Variants in TMEM164 observed in about 807,000 individuals in gnomAD.
TMEM164 encodes transmembrane protein 164, also known as RP13-360B22.2.
In TMEM164, 4 loss-of-function variants were observed where a neutral mutation model predicts 18.8. That is an observed-to-expected ratio of 0.21 (90% CI 0.10 to 0.49). The LOEUF (loss-of-function observed/expected upper bound fraction) is 0.49, where lower values mean the gene tolerates loss of function less well. Among genes scored for constraint, TMEM164 ranks in the 20% least tolerant of loss-of-function variants. The pLI is 0.98. For synonymous variants in TMEM164, 86 were observed against 101.7 expected (o/e 0.85, Z 0.93); for missense variants, 108 against 239.9 (o/e 0.45, Z 3.63).
chrX:110,175,852 C>T lies in TMEM164; in HGVS notation c.*2401C>T, dbSNP rs1469252180. On this transcript the variant is annotated 3_prime_UTR_variant, in exon 7 of 7. Coordinates refer to ENST00000372068, the MANE Select transcript of TMEM164 (RefSeq NM_032227.4). ...TCACTCTTATCTTGGGCCAAGCCAACGTGGAGAGAAGCAACCCAACCAGAC... is the reference window on the plus strand; with the variant it reads ...TCACTCTTATCTTGGGCCAAGCCAATGTGGAGAGAAGCAACCCAACCAGAC... 21 of 754,256 alleles carry T rather than the reference C, an allele frequency of 2.8e-5. No individual in the cohort carries two copies. The highest frequency in any genetic ancestry group is 6.8e-5 in the South Asian group (1 of 14,767). The allele number at this position is 754,256 out of a possible 1,213,427, so 62.2% of individuals were successfully genotyped here. A position where few individuals can be genotyped will look rare whatever the true frequency, so the allele number is the denominator to read the frequency against.
chrX:110,091,535 G>A (rs2065929223), intron 3 of TMEM164, among the ~76,000 whole-genome samples: 1 of 112,002 alleles, frequency 8.9e-6, no homozygotes, highest in Non-Finnish European at 1.9e-5. Flanking sequence ...CATATCCTTT[G>A]CCCACTTTTT....
chrX:110,134,957 G>C (rs771144236), intron 4 of TMEM164, among the ~76,000 whole-genome samples: 1 of 111,562 alleles, frequency 9.0e-6, no homozygotes, highest in Non-Finnish European at 1.9e-5. Context: ...CTACTCCCCA[G>C]AGAGAATTGC....
At chrX:110,169,033 C>T (rs1006072546) in intron 5 of TMEM164, among the ~76,000 whole-genome samples, 1 of 112,099 alleles carries the variant, frequency 8.9e-6, no homozygotes, top group Non-Finnish European at 1.9e-5. Context: ...GAGACTTTCC[C>T]AAGGCCCCAA....
chrX:110,130,160 G>A (rs916568094), intron 4 of TMEM164, among the ~76,000 whole-genome samples: 13 of 112,096 alleles, frequency 1.2e-4, no homozygotes, highest in African/African-American at 4.2e-4. Flanking sequence ...ATGCTCACAG[G>A]TGTGGAGGAG....
chrX:110,139,320 G>C (rs769939580), intron 4 of TMEM164, among the ~76,000 whole-genome samples: 2 of 111,489 alleles, frequency 1.8e-5, no homozygotes, highest in Non-Finnish European at 3.8e-5. Context: ...CAGCTGTGGG[G>C]ATGGGTGCAG....
At chrX:110,052,200 C>T (rs892603038) in intron 2 of TMEM164, among the ~76,000 whole-genome samples, 8 of 111,489 alleles carry the variant, frequency 7.2e-5, no homozygotes, top group African/African-American at 2.6e-4. Context: ...TCTCCTTCCG[C>T]TTCCCTCCAA....
chrX:110,022,722 G>A (rs191804865), intron 2 of TMEM164, among the ~76,000 whole-genome samples: 15 of 112,051 alleles, frequency 1.3e-4, no homozygotes, highest in Admixed American at 3.8e-4. Flanking sequence ...AGGCCTAGTC[G>A]TACTAGAGAG....
intron 3 of TMEM164, among the ~76,000 whole-genome samples, chrX:110,097,828 A>G (rs1160772306): frequency 8.9e-6 from 1 of 112,551 alleles, no homozygotes; most frequent in African/African-American, 3.2e-5. Flanking sequence ...TAAAATGCTC[A>G]GAATCCTGGA....
intron 2 of TMEM164, among the ~76,000 whole-genome samples, chrX:110,013,629 G>A (rs1396681834): frequency 1.8e-5 from 2 of 111,527 alleles, no homozygotes; most frequent in Non-Finnish European, 3.8e-5. Flanking sequence ...CAGTAGGAAT[G>A]CTTCATTTTC....
intron 4 of TMEM164, among the ~76,000 whole-genome samples, chrX:110,128,127 G>A (rs1368082932): frequency 8.9e-6 from 1 of 112,554 alleles, no homozygotes; most frequent in East Asian, 2.8e-4. Context: ...GGTGACCAAA[G>A]GGAGAATGCC....
At chrX:110,163,676 G>A (rs971721472) in intron 5 of TMEM164, among the ~76,000 whole-genome samples, 1 of 112,317 alleles carries the variant, frequency 8.9e-6, no homozygotes, top group Non-Finnish European at 1.9e-5. Context: ...AGTACTTTCC[G>A]TTTATACACT....
chrX:110,021,511 G>A (rs980714493), intron 2 of TMEM164, among the ~76,000 whole-genome samples: 2 of 111,203 alleles, frequency 1.8e-5, no homozygotes, highest in Non-Finnish European at 3.8e-5. Flanking sequence ...AAATCTGTGT[G>A]TGTGTGTTTG....
intron 3 of TMEM164, among the ~76,000 whole-genome samples, chrX:110,087,446 G>T (rs747634156): frequency 1.8e-5 from 2 of 111,451 alleles, no homozygotes; most frequent in Non-Finnish European, 3.8e-5. Context: ...CTGTAGCCTC[G>T]ACCTCTGAGT....
At chrX:110,170,110 T>C (rs1373785480) in intron 5 of TMEM164, among the ~76,000 whole-genome samples, 1 of 112,303 alleles carries the variant, frequency 8.9e-6, no homozygotes, top group East Asian at 2.8e-4. Context: ...CATGGAACCC[T>C]TATCCATAGT....
intron 5 of TMEM164, among the ~76,000 whole-genome samples, chrX:110,168,082 C>T (rs970976610): frequency 8.9e-6 from 1 of 112,126 alleles, no homozygotes; most frequent in Non-Finnish European, 1.9e-5. Flanking sequence ...TAGGGGGCGC[C>T]GAGCAGAGAG....
chrX:110,166,910 T>A (rs1199617947), intron 5 of TMEM164, among the ~76,000 whole-genome samples: 3 of 112,699 alleles, frequency 2.7e-5, no homozygotes, highest in Non-Finnish European at 5.6e-5. Context: ...GATATGTGTT[T>A]GCATACAATT....
At chrX:110,020,510 G>T in intron 2 of TMEM164, 1 of 754,349 alleles carries the variant, frequency 1.3e-6, no homozygotes, top group Non-Finnish European at 1.6e-6. Context: ...GTATTCTGGG[G>T]AATGTCTCCT....
intron 2 of TMEM164, among the ~76,000 whole-genome samples, chrX:110,048,805 G>A (rs770013545): frequency 5.2e-4 from 58 of 111,549 alleles, no homozygotes; most frequent in African/African-American, 1.8e-3. Flanking sequence ...CTGTAATTTA[G>A]ATTTGGATCA....
chrX:110,020,387 C>A, intron 2 of TMEM164: 1 of 754,063 alleles, frequency 1.3e-6, no homozygotes, highest in Non-Finnish European at 1.6e-6. Flanking sequence ...GTCCAGCAGG[C>A]TATTAAGATG....
Sources: allele counts gnomAD v4.1 joint callset (sites outside exome capture counted in the v4.1 genomes callset), GRCh38; gene constraint gnomAD v4.1.1; transcripts MANE v1.5; gene names NCBI Gene and HGNC (gene_info 2026-07-23, HGNC 2026-07-21).